Variants in NRN1 observed in about 807,000 individuals in gnomAD.
NRN1 encodes neuritin.
A neutral mutation model predicts 15.0 loss-of-function variants in NRN1; 4 were observed. That is an observed-to-expected ratio of 0.27 (90% CI 0.13 to 0.61). The LOEUF (loss-of-function observed/expected upper bound fraction) is 0.61. NRN1 is among the 20% of genes least tolerant of loss of function. The pLI is 0.87. For missense variants in NRN1, 134 were observed against 181.9 expected (o/e 0.74, Z 1.51); for synonymous variants, 85 against 79.8 (o/e 1.07, Z -0.35).
chr6:6,004,095 C>A, intron 1 of NRN1: 1 of 1,038,142 alleles, frequency 9.6e-7, no homozygotes, highest in Non-Finnish European at 1.2e-6. Flanking sequence ...AAGAGCGAGG[C>A]GGGCCTTGCG....
Position 5,998,906 on chromosome 6 carries a change from G to A in NRN1, c.*70C>T, listed in dbSNP as rs1158804147. ...TCACAACGTCCCCAAAGAACTAATG[G>A]ATCTTCCTCTCGATTTCCGGGAGCA... On this transcript the variant is annotated 3_prime_UTR_variant, in exon 3 of 3. Transcript: ENST00000244766. The A allele has an allele frequency of 4.6e-6, 5 of 1,097,194 alleles. No homozygotes were observed. Among genetic ancestry groups the A allele is most frequent in the Non-Finnish European group, 6.7e-6 (5 of 742,980 alleles). 68.0% of individuals were successfully genotyped at this position (1,097,194 alleles called of 1,614,324 possible). A position where few individuals can be genotyped will look rare whatever the true frequency, so the allele number is the denominator to read the frequency against.
intron 1 of NRN1, among the ~76,000 whole-genome samples, chr6:6,005,037 C>A (rs1321744772): frequency 6.6e-6 from 1 of 151,144 alleles, no homozygotes; most frequent in Admixed American, 6.6e-5. Flanking sequence ...GGAACAAATA[C>A]GTTCAATTTC....
intron 1 of NRN1, 37 bp downstream of exon 1, chr6:6,006,658 C>G: frequency 6.2e-7 from 1 of 1,606,016 alleles, no homozygotes; most frequent in Non-Finnish European, 8.5e-7. Context: ...GGCTGCCTCC[C>G]GCCTCCAGCC....
At chr6:6,004,947 A>G (rs1758068029) in intron 1 of NRN1, among the ~76,000 whole-genome samples, 1 of 138,830 alleles carries the variant, frequency 7.2e-6, no homozygotes, top group Non-Finnish European at 1.5e-5. Context: ...TTTTCTTGCC[A>G]AATGTCAATG....
At chr6:5,999,441 C>T (rs961491173) in intron 2 of NRN1, among the ~76,000 whole-genome samples, 3 of 152,256 alleles carry the variant, frequency 2.0e-5, no homozygotes, top group Non-Finnish European at 4.4e-5. Context: ...CCCCTCCTGT[C>T]TGGTTTTCCC....
intron 1 of NRN1, chr6:6,003,889 GGGCGCCGGCCTGGTCCTC>G: frequency 1.1e-5 from 14 of 1,230,900 alleles, no homozygotes; most frequent in Non-Finnish European, 1.4e-5. Context: ...CCACGACCCT[GGGCGCCGGCCTGGTCCTC>G]GGCAGCTTTC....
chr6:6,003,232 G>A (rs1198636656), intron 1 of NRN1: 1 of 1,234,498 alleles, frequency 8.1e-7, no homozygotes, highest in Non-Finnish European at 1.0e-6. Flanking sequence ...TGGAAAGAGG[G>A]CAGCCTGGAC....
At chr6:6,004,529 C>A (rs1362297855) in intron 1 of NRN1, among the ~76,000 whole-genome samples, 1 of 152,232 alleles carries the variant, frequency 6.6e-6, no homozygotes, top group African/African-American at 2.4e-5. Flanking sequence ...GCTCTTGTCA[C>A]GTTATCTTCC....
In NRN1 at chr6:5,998,706, C is replaced by T. The variant is rs1261800919; in HGVS notation, c.*270G>A. On this transcript the variant is annotated 3_prime_UTR_variant, in exon 3 of 3. Transcript: ENST00000244766. ...AAAATTAAAAAATGGGGTGGGTTTG[C>T]CGTTTTCTTATTTGTGTGTGAAGAC... 1 of 341,798 alleles carries T rather than the reference C, an allele frequency of 2.9e-6. No homozygotes were observed. The highest frequency in any genetic ancestry group is 4.7e-5 in the East Asian group (1 of 21,264). 21.2% of individuals were successfully genotyped at this position (341,798 alleles called of 1,614,324 possible).
At chr6:6,002,780 A>T in intron 1 of NRN1, 1 of 453,300 alleles carries the variant, frequency 2.2e-6, no homozygotes, top group South Asian at 3.9e-5. Context: ...TCCCTCCCGC[A>T]TCTCGCTCCG....
At chr6:6,001,393 T>C (rs1327902282) in intron 2 of NRN1, among the ~76,000 whole-genome samples, 1 of 152,166 alleles carries the variant, frequency 6.6e-6, no homozygotes, top group Non-Finnish European at 1.5e-5. Context: ...AATAAAAGAA[T>C]GGGTGTTGCA....
intron 1 of NRN1, chr6:6,003,281 G>A (rs1455977330): frequency 8.1e-6 from 10 of 1,233,158 alleles, no homozygotes; most frequent in Admixed American, 4.2e-5. Context: ...GGTCTGGAGA[G>A]GAGAAGGCCA....
Position 6,002,503 on chromosome 6 carries a change from G to A in NRN1, c.56-6C>T. 2 of 1,612,368 alleles carry A rather than the reference G, an allele frequency of 1.2e-6. No homozygotes were observed. Among genetic ancestry groups the A allele is most frequent in the South Asian group, 1.1e-5 (1 of 91,056 alleles). On this transcript the variant is annotated splice_polypyrimidine_tract_variant and splice_region_variant and intron_variant, in intron 1 of 2. Transcript: ENST00000244766. ...CACGGCCTGCACCAGATACGCTGCGGGGAGGAGGGAACACCGGTCAGCAGC... is the reference window on the plus strand; with the variant it reads ...CACGGCCTGCACCAGATACGCTGCGAGGAGGAGGGAACACCGGTCAGCAGC...
At chr6:6,006,642 G>C in intron 1 of NRN1, 53 bp downstream of exon 1, 17 of 1,584,134 alleles carry the variant, frequency 1.1e-5, no homozygotes, top group East Asian at 2.2e-5. Context: ...GCCTCGGGCC[G>C]GGGCAGGCTG....
At chr6:6,002,540 G>A (rs1325646992) in intron 1 of NRN1, 43 bp from the exon 2 acceptor site, 4 of 1,592,318 alleles carry the variant, frequency 2.5e-6, no homozygotes, top group South Asian at 2.2e-5. Context: ...CCACGACCCC[G>A]CCCTGCCGCC....
Position 6,003,633 on chromosome 6 carries a change from G to GCCCCAAGC in NRN1, c.56-1144_56-1137dup, listed in dbSNP as rs879325298. The GCCCCAAGC allele has an allele frequency of 7.1e-3, 7,559 of 1,058,110 alleles. 44 individuals carry two copies. Among genetic ancestry groups the GCCCCAAGC allele is most frequent in the Non-Finnish European group, 7.8e-3 (6,441 of 827,664 alleles). 65.5% of individuals were successfully genotyped at this position (1,058,110 alleles called of 1,614,324 possible). Reference sequence around the variant, plus strand: ...AAACACAGGCCGCACGAAGGTCCAAGCCCCAAGCCCCCAAGCCCCCGGCCT... The same window carrying GCCCCAAGC: ...AAACACAGGCCGCACGAAGGTCCAAGCCCCAAGCCCCCAAGCCCCCAAGCCCCCGGCCT... On this transcript the variant is annotated intron_variant, in intron 1 of 2. Transcript: ENST00000244766.
At chr6:6,003,649 C>A in intron 1 of NRN1, 1 of 1,165,124 alleles carries the variant, frequency 8.6e-7, no homozygotes, top group Non-Finnish European at 1.1e-6. Flanking sequence ...AGCCCCCAAG[C>A]CCCCGGCCTC....
Position 6,000,748 on chromosome 6 carries a change from T to TTA in NRN1, c.201-1545_201-1544insTA, listed in dbSNP as rs1554145373. ...TTTTTTTTTTTTTTTTTTTTTTTTT[T>TTA]ATGTACGCCCAGATGAGGGCAGAGT... On this transcript the variant is annotated intron_variant, in intron 2 of 2. Coordinates refer to ENST00000244766, the MANE Select transcript of NRN1 (RefSeq NM_016588.3). 6.1e-3 allele frequency among the ~76,000 whole-genome samples: 605 copies of TTA among 99,106 alleles called. 71 individuals are homozygous for TTA. The highest frequency in any genetic ancestry group is 0.021 in the African/African-American group (534 of 25,528). 65.0% of individuals were successfully genotyped at this position (99,106 alleles called of 152,430 possible).
intron 2 of NRN1, among the ~76,000 whole-genome samples, chr6:5,999,550 C>T (rs181072785): frequency 2.0e-5 from 3 of 152,258 alleles, no homozygotes; most frequent in Admixed American, 2.0e-4. Flanking sequence ...TGCTCGCCCT[C>T]CTCGGGGAAA....
Sources: gnomAD v4.1 joint callset for allele counts (sites outside exome capture counted in the v4.1 genomes callset) on GRCh38, gnomAD v4.1.1 for gene constraint, MANE v1.5 for transcripts, NCBI Gene and HGNC (gene_info 2026-07-23, HGNC 2026-07-21) for gene names.